The following MYH9 variants were observed in gnomAD, a reference collection of about 807,000 sequenced individuals.
MYH9 encodes myosin-9.
MYH9 carries 29 observed loss-of-function variants against 241.9 expected under a neutral mutation model. The ratio of observed to expected loss-of-function variants is 0.12; its 90% CI spans 0.09 to 0.16. MYH9 has a LOEUF of 0.16. Ranked by LOEUF, MYH9 falls within the 10% of genes least tolerant of loss-of-function variation. The pLI is 1.00. For synonymous variants in MYH9, 1,047 were observed against 1,062.6 expected (o/e 0.99, Z 0.29); for missense variants, 1,803 against 2,595.5 (o/e 0.69, Z 6.63).
chr22:36,327,599 G>C, intron 3 of MYH9, 111 bp from the exon 4 acceptor site: 1 of 1,267,934 alleles, frequency 7.9e-7, no homozygotes, highest in Non-Finnish European at 1.1e-6. Flanking sequence ...CACAGATGCT[G>C]TCTTTGTGGG....
intron 35 of MYH9, among the ~76,000 whole-genome samples, chr22:36,286,360 G>A (rs1348647062): frequency 6.6e-6 from 1 of 152,110 alleles, no homozygotes; most frequent in Non-Finnish European, 1.5e-5. Context: ...CACGCTGCAG[G>A]GCACCCTCCA....
Position 36,289,191 on chromosome 22 carries a change from G to C in MYH9, c.4451C>G (p.Ala1484Gly), listed in dbSNP as rs1232230216. The C allele has an allele frequency of 3.1e-6, 5 of 1,613,332 alleles. No individual in the cohort carries two copies. The highest frequency in any genetic ancestry group is 1.7e-5 in the Admixed American group (1 of 60,006). ...KETKALSLAR[A>G]LEEAMEQKAE... ...CTTCTGCTCCATGGCTTCCTCCAGG[G>C]CCCGGGCCAGCGACAGAGCCTTGGT... Residue 1484 changes from alanine to glycine, a missense_variant, in exon 32 of 41, where the codon GCC becomes GGC. Ala to Gly is a moderately conservative substitution (Grantham distance 60). This residue lies in a region of MYH9 where 876 missense variants were observed against 1,077.8 expected (regional missense o/e 0.81). Coordinates refer to ENST00000216181, the MANE Select transcript of MYH9 (RefSeq NM_002473.6).
chr22:36,286,909 T>C (rs2016595867), intron 34 of MYH9, 63 bp from the exon 35 acceptor site: 2 of 1,598,502 alleles, frequency 1.3e-6, no homozygotes, highest in African/African-American at 1.3e-5. Flanking sequence ...CCAACCCTCA[T>C]GGGTCACCTC....
Position 36,320,500 on chromosome 22 carries a change from G to A in MYH9, c.869-137C>T. 1 of 1,136,630 alleles carries A rather than the reference G, an allele frequency of 8.8e-7. No homozygotes were observed. The highest frequency in any genetic ancestry group is 1.3e-6 in the Non-Finnish European group (1 of 772,418). 70.4% of individuals were successfully genotyped at this position (1,136,630 alleles called of 1,614,324 possible). On this transcript the variant is annotated intron_variant, in intron 8 of 40. Coordinates refer to ENST00000216181, the MANE Select transcript of MYH9 (RefSeq NM_002473.6). This position sits in a 1 kb window ranked among gnomAD's most constrained non-coding sequence, Gnocchi z 4.8. Reference sequence around the variant, plus strand: ...CACCCTGGAAACCGCAGAGTAGCCAGTGACGTTCAGCTTTCCTCAGTGTCT... The same window carrying A: ...CACCCTGGAAACCGCAGAGTAGCCAATGACGTTCAGCTTTCCTCAGTGTCT...
Position 36,306,122 on chromosome 22 carries a change from C to G in MYH9, c.2038-71G>C. On this transcript the variant is annotated intron_variant, in intron 16 of 40. Transcript: ENST00000216181. The surrounding 1 kb of genome is among the most constrained non-coding windows in gnomAD (Gnocchi z 4.1). ...ACAGTCGGAGAATAGTCAGGGAACCCCTATGAACCTGACAGGGCAAGAGCC... is the reference window on the plus strand; with the variant it reads ...ACAGTCGGAGAATAGTCAGGGAACCGCTATGAACCTGACAGGGCAAGAGCC... 6.2e-7 allele frequency: 1 copy of G among 1,601,408 alleles called. No homozygotes were observed.
rs2016631371 is a variant in MYH9, at chr22:36,288,670, C to A, written c.4770+57G>T. 1.3e-6 allele frequency: 2 copies of A among 1,586,322 alleles called. No homozygotes were observed. Among genetic ancestry groups the A allele is most frequent in the Admixed American group, 3.3e-5 (2 of 59,984 alleles). On this transcript the variant is annotated intron_variant, in intron 33 of 40. Coordinates refer to ENST00000216181, the MANE Select transcript of MYH9 (RefSeq NM_002473.6). This position sits in a 1 kb window ranked among gnomAD's most constrained non-coding sequence, Gnocchi z 4.8. ...CCAGGTGGAAGGAGAGAACAGAAGC[C>A]TGCGTGAAGCCAAGGCAGCCTTGGG...
At position 36,284,172 on chromosome 22, in the gene MYH9, G is replaced by A; in HGVS notation, c.5686C>T (p.Leu1896=). 1 of 1,614,086 alleles carries A rather than the reference G, an allele frequency of 6.2e-7. No homozygotes were observed. The highest frequency in any genetic ancestry group is 8.5e-7 in the Non-Finnish European group (1 of 1,179,998). Residue 1896 remains leucine (L), a synonymous_variant, in exon 40 of 41, where the codon CTG becomes TTG. Coordinates refer to ENST00000216181, the MANE Select transcript of MYH9 (RefSeq NM_002473.6). ...GTGGCGTCCTCCAGCTCGCGCTGCA[G>A]TTTCCGGCGGGAGGCGTTGGCCCGC... is the stretch of plus-strand genomic sequence containing the variant. The part of the protein sequence containing the change: ...AQRANASRRK[L]QRELEDATET...
intron 3 of MYH9, among the ~76,000 whole-genome samples, chr22:36,336,666 G>A (rs1258636984): frequency 2.0e-5 from 3 of 152,198 alleles, no homozygotes; most frequent in Admixed American, 6.5e-5. Flanking sequence ...CCAAGGCCAC[G>A]CTGGGCACGT....
intron 1 of MYH9, among the ~76,000 whole-genome samples, chr22:36,378,859 C>T (rs755470): frequency 0.58 from 88,313 of 151,814 alleles, 26,731 homozygotes; most frequent in Non-Finnish European, 0.67. Context: ...AGAAAACACG[C>T]TTAAATGAAG....
At position 36,300,807 on chromosome 22, in the gene MYH9, T is replaced by C. The variant is rs749682876; in HGVS notation, c.2838+44A>G. On this transcript the variant is annotated intron_variant, in intron 22 of 40. Coordinates refer to ENST00000216181, the MANE Select transcript of MYH9 (RefSeq NM_002473.6). The surrounding 1 kb of genome is among the most constrained non-coding windows in gnomAD (Gnocchi z 5.0). ...TGGTTCCTGCTCCTCCGCCCCGCCCTGCCCCTCCGGCGCCACCCCTCCCCG... is the reference window on the plus strand; with the variant it reads ...TGGTTCCTGCTCCTCCGCCCCGCCCCGCCCCTCCGGCGCCACCCCTCCCCG... 6.3e-7 allele frequency: 1 copy of C among 1,595,886 alleles called. No homozygotes were observed. Among genetic ancestry groups the C allele is most frequent in the Non-Finnish European group, 8.5e-7 (1 of 1,177,584 alleles).
chr22:36,328,682 G>A (rs1326791220), intron 3 of MYH9, among the ~76,000 whole-genome samples: 3 of 152,226 alleles, frequency 2.0e-5, no homozygotes, highest in South Asian at 2.1e-4. Context: ...TCCCCAACGC[G>A]ACGTCGCCAC....
chr22:36,372,739 T>C (rs760851996), intron 1 of MYH9, among the ~76,000 whole-genome samples: 1 of 151,952 alleles, frequency 6.6e-6, no homozygotes, highest in Admixed American at 6.6e-5. Context: ...TGTGACCACC[T>C]GGGCCCCCAG....
Position 36,306,310 on chromosome 22 carries a change from G to A in MYH9, c.2037+104C>T. Reference sequence around the variant, plus strand: ...GCAGAGAAACGACTGAAGGCTCTGTGCATGCTGGGGGGCTGGAGGGGTGCT... The same window carrying A: ...GCAGAGAAACGACTGAAGGCTCTGTACATGCTGGGGGGCTGGAGGGGTGCT... On this transcript the variant is annotated intron_variant, in intron 16 of 40. Coordinates refer to ENST00000216181, the MANE Select transcript of MYH9 (RefSeq NM_002473.6). The surrounding 1 kb of genome is among the most constrained non-coding windows in gnomAD (Gnocchi z 4.1). The A allele has an allele frequency of 1.4e-6, 2 of 1,455,332 alleles. No individual in the cohort carries two copies. The highest frequency in any genetic ancestry group is 1.9e-6 in the Non-Finnish European group (2 of 1,059,004). 90.2% of individuals were successfully genotyped at this position (1,455,332 alleles called of 1,614,324 possible). A position where few individuals can be genotyped will look rare whatever the true frequency, so the allele number is the denominator to read the frequency against.
rs1273119306 is a variant in MYH9 at position 36,297,134 on chromosome 22, AAC to A, written c.3101-122_3101-121del. 5 of 1,181,344 alleles carry A rather than the reference AAC, an allele frequency of 4.2e-6. No individual in the cohort carries two copies. The South Asian group carries it at 6.6e-5, about 16-fold the overall frequency. The allele number at this position is 1,181,344 out of a possible 1,614,324, so 73.2% of individuals were successfully genotyped here. On this transcript the variant is annotated intron_variant, in intron 24 of 40. Coordinates refer to ENST00000216181, the MANE Select transcript of MYH9 (RefSeq NM_002473.6). ...CGTGTGTCAGGCTTAAAGCATCACAAACACACAGACACTCGCACCCAACTCCT... is the reference window on the plus strand; with the variant it reads ...CGTGTGTCAGGCTTAAAGCATCACAAACACAGACACTCGCACCCAACTCCT...
intron 2 of MYH9, among the ~76,000 whole-genome samples, chr22:36,346,223 T>C (rs547974220): frequency 1.7e-4 from 26 of 151,926 alleles, no homozygotes; most frequent in South Asian, 1.0e-3. Flanking sequence ...GATAGGTCTT[T>C]GATGAGCCAG....
At chr22:36,360,028 A>AAAC (rs1253008423) in intron 1 of MYH9, among the ~76,000 whole-genome samples, 1 of 77,696 alleles carries the variant, frequency 1.3e-5, no homozygotes, top group East Asian at 2.1e-4. Context: ...GAATGAGGAC[A>AAAC]AACACCACCA....
Position 36,300,023 on chromosome 22 carries a change from G to A in MYH9, c.2976+104C>T, listed in dbSNP as rs969700940. ...AAGCCCTCATGCTGCAGGCAGAAGA[G>A]ACAGGAAGCAGCAGCAGCGGGGAGC... On this transcript the variant is annotated intron_variant, in intron 23 of 40. Coordinates refer to ENST00000216181, the MANE Select transcript of MYH9 (RefSeq NM_002473.6). The surrounding 1 kb of genome is among the most constrained non-coding windows in gnomAD (Gnocchi z 5.0). The A allele has an allele frequency of 2.0e-6, 3 of 1,503,220 alleles. No individual in the cohort carries two copies. Among genetic ancestry groups the A allele is most frequent in the Non-Finnish European group, 2.7e-6 (3 of 1,093,756 alleles). 93.1% of individuals were successfully genotyped at this position (1,503,220 alleles called of 1,614,324 possible). A position where few individuals can be genotyped will look rare whatever the true frequency, so the allele number is the denominator to read the frequency against.
intron 14 of MYH9, among the ~76,000 whole-genome samples, chr22:36,311,372 C>G (rs2017061073): frequency 6.6e-6 from 1 of 152,070 alleles, no homozygotes; most frequent in African/African-American, 2.4e-5. Flanking sequence ...CGCACCTCCC[C>G]CCCCGAAACT....
At position 36,281,745 on chromosome 22, in the gene MYH9, T is replaced by A. The variant is rs1046591226; in HGVS notation, c.*923A>T. ...TGGCAGATTTTTAAACTATACTGAG[T>A]CAACGGTGCAGGTAAACCACCCTCG... On this transcript the variant is annotated 3_prime_UTR_variant, in exon 41 of 41. Coordinates refer to ENST00000216181, the MANE Select transcript of MYH9 (RefSeq NM_002473.6). The A allele has an allele frequency of 1.3e-5, 3 of 231,032 alleles. No homozygotes were observed. Among genetic ancestry groups the A allele is most frequent in the African/African-American group, 2.2e-5 (1 of 45,170 alleles). The allele number at this position is 231,032 out of a possible 1,614,324, so 14.3% of individuals were successfully genotyped here.
Sources: gnomAD v4.1 joint callset for allele counts (sites outside exome capture counted in the v4.1 genomes callset) on GRCh38, gnomAD v4.1.1 for gene constraint, gnomAD v4.1.1 regional missense constraint, Gnocchi (gnomAD v3.1) non-coding constraint, MANE v1.5 for transcripts, NCBI Gene and HGNC (gene_info 2026-07-23, HGNC 2026-07-21) for gene names.